The following MAF variants were observed in gnomAD, a reference collection of about 807,000 sequenced individuals.
The protein encoded by MAF is MAF bZIP transcription factor, also known as transcription factor Maf.
Under a neutral mutation model 22.0 loss-of-function variants are expected in MAF, and 10 were observed. The ratio of observed to expected loss-of-function variants is 0.45; its 90% CI spans 0.28 to 0.77. The LOEUF (loss-of-function observed/expected upper bound fraction) is 0.77, where lower values mean the gene tolerates loss of function less well. Among genes scored for constraint, MAF ranks in the 30% least tolerant of loss-of-function variants. MAF has a pLI of 0.12. For missense variants in MAF, 544 were observed against 548.4 expected, an observed-to-expected ratio of 0.99 and a Z score of 0.08; for synonymous variants, 337 against 255.8, an observed-to-expected ratio of 1.32 and a Z score of -3.03.
downstream of MAF, among the ~76,000 whole-genome samples, chr16:79,592,301 C>G (rs1340064072): frequency 1.3e-5 from 2 of 152,164 alleles, no homozygotes; most frequent in Non-Finnish European, 2.9e-5. Context: ...ATGAGACAGC[C>G]TGGGAGACTG....
At chr16:79,265,745 T>C in the MAF span, among the ~76,000 whole-genome samples, 21 of 152,240 alleles carry the variant, frequency 1.4e-4, no homozygotes, top group Non-Finnish European at 2.5e-4. Flanking sequence ...AGTCCAGAAC[T>C]TTCACCTTTT....
At chr16:79,365,459 G>A in the MAF span, among the ~76,000 whole-genome samples, 1 of 152,170 alleles carries the variant, frequency 6.6e-6, no homozygotes, top group African/African-American at 2.4e-5. Context: ...GGATATAGAT[G>A]GAATTTGGTA....
At chr16:79,392,038 G>A in the MAF span, among the ~76,000 whole-genome samples, 2 of 149,950 alleles carry the variant, frequency 1.3e-5, no homozygotes, top group African/African-American at 2.5e-5. Context: ...GGAAGAATGA[G>A]GAGAAGGAGG....
At chr16:79,295,951 G>A in the MAF span, among the ~76,000 whole-genome samples, 1 of 152,216 alleles carries the variant, frequency 6.6e-6, no homozygotes, top group Non-Finnish European at 1.5e-5. Context: ...CCTTCCTAAA[G>A]TCAGTACCTC....
the MAF span, among the ~76,000 whole-genome samples, chr16:79,361,535 G>C: frequency 6.6e-6 from 1 of 152,196 alleles, no homozygotes; most frequent in Non-Finnish European, 1.5e-5. Flanking sequence ...CTATCTGGGT[G>C]AGCCATGCTA....
At chr16:79,447,916 A>G in the MAF span, among the ~76,000 whole-genome samples, 2 of 113,838 alleles carry the variant, frequency 1.8e-5, no homozygotes, top group African/African-American at 6.1e-5. Flanking sequence ...AAAAGAAAAG[A>G]AAAAGAAAAG....
chr16:79,208,040 G>C, the MAF span, among the ~76,000 whole-genome samples: 2 of 152,158 alleles, frequency 1.3e-5, no homozygotes, highest in Non-Finnish European at 2.9e-5. Context: ...CCTTTCTGTA[G>C]TTGAAGATTG....
chr16:79,325,598 A>AACAC, the MAF span, among the ~76,000 whole-genome samples: 10,436 of 145,558 alleles, frequency 0.072, 452 homozygotes, highest in East Asian at 0.22. Context: ...CCCAGACACA[A>AACAC]ACACACACAC....
At chr16:79,568,837 T>C in the MAF span, among the ~76,000 whole-genome samples, 3 of 152,200 alleles carry the variant, frequency 2.0e-5, no homozygotes, top group Admixed American at 6.5e-5. Flanking sequence ...TAATAGATCA[T>C]GTTTACTGAG....
the MAF span, among the ~76,000 whole-genome samples, chr16:79,342,586 C>T: frequency 2.0e-5 from 3 of 151,976 alleles, no homozygotes; most frequent in Non-Finnish European, 4.4e-5. Flanking sequence ...CCATCACTGT[C>T]ACCATCACCA....
At chr16:79,229,851 A>C in the MAF span, among the ~76,000 whole-genome samples, 1 of 152,036 alleles carries the variant, frequency 6.6e-6, no homozygotes, top group Non-Finnish European at 1.5e-5. Flanking sequence ...TCGTAGAATG[A>C]CCTGATTTCT....
At chr16:79,270,854 T>C in the MAF span, among the ~76,000 whole-genome samples, 6 of 151,018 alleles carry the variant, frequency 4.0e-5, no homozygotes, top group African/African-American at 1.5e-4. Context: ...GAGACACTCA[T>C]ACACACTCTG....
chr16:79,574,900 G>A, the MAF span, among the ~76,000 whole-genome samples: 1 of 152,148 alleles, frequency 6.6e-6, no homozygotes. Flanking sequence ...GTAAAACTCA[G>A]AGTAAAATAT....
the MAF span, among the ~76,000 whole-genome samples, chr16:79,444,310 T>G: frequency 6.6e-6 from 1 of 152,174 alleles, no homozygotes; most frequent in African/African-American, 2.4e-5. Flanking sequence ...TCTTTATGCT[T>G]TCAGTCTACT....
chr16:79,347,806 T>G, the MAF span, among the ~76,000 whole-genome samples: 5 of 152,192 alleles, frequency 3.3e-5, no homozygotes, highest in African/African-American at 1.2e-4. Context: ...CCGGTCATGT[T>G]ACCCCAGAGG....
At chr16:79,441,769 T>C in the MAF span, among the ~76,000 whole-genome samples, 1 of 152,350 alleles carries the variant, frequency 6.6e-6, no homozygotes. Context: ...GAAATACTTA[T>C]GTGTAAATTT....
chr16:79,322,345 C>T, the MAF span, among the ~76,000 whole-genome samples: 1 of 152,060 alleles, frequency 6.6e-6, no homozygotes, highest in Non-Finnish European at 1.5e-5. Context: ...TTTTGAAGGT[C>T]CCTAGGAGAC....
chr16:79,466,538 C>T, the MAF span, among the ~76,000 whole-genome samples: 3 of 152,264 alleles, frequency 2.0e-5, no homozygotes, highest in South Asian at 2.1e-4. Context: ...AAGGAGATCC[C>T]GGAGGCAAAC....
At chr16:79,408,260 G>C in the MAF span, among the ~76,000 whole-genome samples, 1 of 151,892 alleles carries the variant, frequency 6.6e-6, no homozygotes, top group East Asian at 1.9e-4. Flanking sequence ...TGCTGCAACT[G>C]CCACCTCCCG....
Sources: allele counts gnomAD v4.1 joint callset (sites outside exome capture counted in the v4.1 genomes callset), GRCh38; gene constraint gnomAD v4.1.1; transcripts MANE v1.5; gene names NCBI Gene and HGNC (gene_info 2026-07-23, HGNC 2026-07-21).